Variants in ANO4 observed in about 807,000 individuals in gnomAD.
The protein encoded by ANO4 is anoctamin-4.
Under a neutral mutation model 141.9 loss-of-function variants are expected in ANO4, and 69 were observed. The observed-to-expected ratio is 0.49, with a 90% CI of 0.40 to 0.59. ANO4 has a LOEUF of 0.59. Among genes scored for constraint, ANO4 ranks in the 20% least tolerant of loss-of-function variants. ANO4 has a pLI of 0.00. For synonymous variants in ANO4, 350 were observed against 394.3 expected, an observed-to-expected ratio of 0.89 and a Z score of 1.33; for missense variants, 894 against 1,162.2, an observed-to-expected ratio of 0.77 and a Z score of 3.36.
chr12:100,910,572 G>A (rs2041057592), intron 2 of ANO4, among the ~76,000 whole-genome samples: 1 of 151,970 alleles, frequency 6.6e-6, no homozygotes, highest in African/African-American at 2.4e-5. Context: ...ACTAGGTTTG[G>A]GACTATAATT....
At chr12:101,014,895 T>A (rs746781400) in intron 8 of ANO4, among the ~76,000 whole-genome samples, 1 of 152,128 alleles carries the variant, frequency 6.6e-6, no homozygotes, top group Admixed American at 6.6e-5. Context: ...AGTGTTGTGT[T>A]CATAGCTCAC....
chr12:100,971,510 A>G (rs1566073365), intron 6 of ANO4, 104 bp downstream of exon 6: 2 of 735,324 alleles, frequency 2.7e-6, no homozygotes, highest in Non-Finnish European at 2.2e-6. Flanking sequence ...TTGGAAGGCC[A>G]TTAGAGGAGG....
rs149769950 is a variant in ANO4 at position 100,873,197 on chromosome 12, T to A, written c.-140-28449T>A. ...TTAGTTCTTTATAGCAATGTGAGAA[T>A]AGACTAATACAGCAAATTGGTACTG... On this transcript the variant is annotated intron_variant, in intron 1 of 27. Transcript: ENST00000392977. 2.4e-3 allele frequency among the ~76,000 whole-genome samples: 366 copies of A among 152,308 alleles called. 2 individuals carry two copies. Among genetic ancestry groups the A allele is most frequent in the East Asian group, 0.018 (95 of 5,184 alleles).
At chr12:101,058,020 A>T (rs1289727360) in intron 14 of ANO4, among the ~76,000 whole-genome samples, 1 of 152,090 alleles carries the variant, frequency 6.6e-6, no homozygotes, top group Non-Finnish European at 1.5e-5. Context: ...TTTTTAACCG[A>T]TCTTGAATTA....
At chr12:100,746,824 G>C (rs532772977) in intron 3 of ANO4, among the ~76,000 whole-genome samples, 2 of 152,098 alleles carry the variant, frequency 1.3e-5, no homozygotes, top group African/African-American at 2.4e-5. Flanking sequence ...CAGGGCTCTC[G>C]TTTCTCTCCT....
chr12:100,993,611 C>A (rs891351083), intron 8 of ANO4, among the ~76,000 whole-genome samples: 2 of 152,066 alleles, frequency 1.3e-5, no homozygotes, highest in Admixed American at 1.3e-4. Context: ...GTCTCTGATT[C>A]ATGTAGTCAT....
intron 26 of ANO4, 151 bp downstream of exon 26, chr12:101,120,776 T>C: frequency 1.6e-6 from 1 of 642,054 alleles, no homozygotes. Context: ...TTTGATCTTT[T>C]TTCTTAATTG....
chr12:100,946,839 A>G (rs2042745157), intron 5 of ANO4, among the ~76,000 whole-genome samples: 2 of 152,358 alleles, frequency 1.3e-5, no homozygotes, highest in Middle Eastern at 6.8e-3. Context: ...GAAGAGACTA[A>G]GAAGGAGTCA....
intron 7 of ANO4, among the ~76,000 whole-genome samples, chr12:100,977,014 T>G (rs1038933479): frequency 2.6e-5 from 4 of 152,292 alleles, no homozygotes; most frequent in African/African-American, 9.6e-5. Flanking sequence ...TTTGGGCAGG[T>G]TACTTCACTT....
chr12:101,074,498 A>T (rs1246108597), intron 14 of ANO4, among the ~76,000 whole-genome samples: 1 of 152,210 alleles, frequency 6.6e-6, no homozygotes, highest in African/African-American at 2.4e-5. Flanking sequence ...GTCACATCTA[A>T]TGCAAGGGTA....
At chr12:101,088,689 T>C (rs1252876373) in intron 17 of ANO4, among the ~76,000 whole-genome samples, 2 of 152,048 alleles carry the variant, frequency 1.3e-5, no homozygotes, top group Middle Eastern at 6.3e-3. Context: ...GGCCAGGCAC[T>C]GTGGCTCATG....
chr12:101,121,442 C>T (rs569588543), intron 26 of ANO4, among the ~76,000 whole-genome samples: 25 of 152,288 alleles, frequency 1.6e-4, no homozygotes, highest in African/African-American at 5.3e-4. Flanking sequence ...CATAGTATTC[C>T]ATGGTGTATA....
chr12:101,095,806 T>C (rs2049959457), intron 18 of ANO4, among the ~76,000 whole-genome samples: 1 of 152,180 alleles, frequency 6.6e-6, no homozygotes, highest in Admixed American at 6.5e-5. Context: ...CGACATGAGA[T>C]CTCTAGCTGG....
chr12:101,032,605 TCAAA>T (rs1476146994), intron 9 of ANO4, among the ~76,000 whole-genome samples: 1 of 151,928 alleles, frequency 6.6e-6, no homozygotes, highest in Non-Finnish European at 1.5e-5. Context: ...TACAATGAAC[TCAAA>T]CAAATTTACA....
At chr12:100,928,716 A>G (rs1191044229) in intron 3 of ANO4, among the ~76,000 whole-genome samples, 3 of 152,176 alleles carry the variant, frequency 2.0e-5, no homozygotes, top group Non-Finnish European at 4.4e-5. Context: ...TCTTCTCTAA[A>G]TGTCATTCCC....
intron 1 of ANO4, among the ~76,000 whole-genome samples, chr12:100,805,179 C>T (rs746476510): frequency 3.3e-5 from 5 of 152,066 alleles, no homozygotes; most frequent in Non-Finnish European, 5.9e-5. Context: ...CTAGCCAGTT[C>T]TCCCAGCACC....
At chr12:101,022,471 GTA>G (rs2046573701) in intron 9 of ANO4, among the ~76,000 whole-genome samples, 2 of 152,058 alleles carry the variant, frequency 1.3e-5, no homozygotes, top group African/African-American at 2.4e-5. Flanking sequence ...TAACATTTGC[GTA>G]CTGAATAATT....
chr12:100,721,630 AT>A (rs1173116417), intron 1 of ANO4, among the ~76,000 whole-genome samples: 1 of 152,150 alleles, frequency 6.6e-6, no homozygotes, highest in Non-Finnish European at 1.5e-5. Context: ...CCTGGAAGTC[AT>A]TGTGGAGTCC....
At chr12:100,786,889 C>T (rs545269567) in intron 3 of ANO4, among the ~76,000 whole-genome samples, 1 of 151,984 alleles carries the variant, frequency 6.6e-6, no homozygotes, top group South Asian at 2.1e-4. Flanking sequence ...TCTTTTTAGC[C>T]AATCATACTC....
Sources: gnomAD v4.1 joint callset for allele counts (sites outside exome capture counted in the v4.1 genomes callset) on GRCh38, gnomAD v4.1.1 for gene constraint, MANE v1.5 for transcripts, NCBI Gene and HGNC (gene_info 2026-07-23, HGNC 2026-07-21) for gene names.